Variants in IL1RAPL2 observed in about 807,000 individuals in gnomAD.
IL1RAPL2 encodes X-linked interleukin-1 receptor accessory protein-like 2.
IL1RAPL2 carries 3 observed loss-of-function variants against 44.1 expected under a neutral mutation model. That is an observed-to-expected ratio of 0.07 (90% CI 0.03 to 0.18). The LOEUF (loss-of-function observed/expected upper bound fraction) is 0.18. Ranked by LOEUF, IL1RAPL2 falls within the 10% of genes least tolerant of loss-of-function variation. IL1RAPL2 has a pLI of 1.00. For synonymous variants in IL1RAPL2, 181 were observed against 178.8 expected, an observed-to-expected ratio of 1.01 and a Z score of -0.10; for missense variants, 391 against 496.4, an observed-to-expected ratio of 0.79 and a Z score of 2.02.
chrX:105,549,731 A>G (rs1342931143), intron 6 of IL1RAPL2, among the ~76,000 whole-genome samples: 1 of 111,318 alleles, frequency 9.0e-6, no homozygotes, highest in Non-Finnish European at 1.9e-5. Context: ...TAAACATCCT[A>G]AAAACCCAGG....
At chrX:105,756,045 C>T (rs988548978) in intron 10 of IL1RAPL2, among the ~76,000 whole-genome samples, 2 of 110,514 alleles carry the variant, frequency 1.8e-5, no homozygotes, top group African/African-American at 6.5e-5. Flanking sequence ...AAATCTAAGA[C>T]ATAGTCCCTG....
At chrX:104,919,272 C>T in intron 2 of IL1RAPL2, among the ~76,000 whole-genome samples, 1 of 105,347 alleles carries the variant, frequency 9.5e-6, no homozygotes, top group South Asian at 4.3e-4. Context: ...GTCGCCCAGG[C>T]TGGAGTGCAA....
intron 1 of IL1RAPL2, among the ~76,000 whole-genome samples, chrX:104,572,944 C>G (rs996588071): frequency 9.8e-5 from 11 of 111,940 alleles, no homozygotes; most frequent in Non-Finnish European, 1.7e-4. Flanking sequence ...TGTTGATCCC[C>G]CTTTTATGAT....
intron 6 of IL1RAPL2, among the ~76,000 whole-genome samples, chrX:105,677,883 T>C (rs1049128731): frequency 8.9e-6 from 1 of 111,984 alleles, no homozygotes; most frequent in African/African-American, 3.2e-5. Context: ...TGTAGTCAAA[T>C]TCTACCACAT....
intron 2 of IL1RAPL2, among the ~76,000 whole-genome samples, chrX:104,691,235 G>C (rs1034984769): frequency 8.0e-5 from 9 of 111,830 alleles, no homozygotes; most frequent in Admixed American, 1.9e-4. Context: ...CTCTTGTCAC[G>C]TCAGGGCCTA....
chrX:105,553,549 T>C (rs1305235868), intron 6 of IL1RAPL2, among the ~76,000 whole-genome samples: 1 of 112,223 alleles, frequency 8.9e-6, no homozygotes, highest in Non-Finnish European at 1.9e-5. Flanking sequence ...GTAATCACTG[T>C]GTGTTTAAAT....
At chrX:105,191,803 A>G (rs1163183688) in intron 2 of IL1RAPL2, among the ~76,000 whole-genome samples, 2 of 112,229 alleles carry the variant, frequency 1.8e-5, no homozygotes, top group Non-Finnish European at 3.8e-5. Flanking sequence ...GTTCCGTAGC[A>G]AGCTTCAGTC....
At chrX:104,690,592 T>C (rs960927321) in intron 2 of IL1RAPL2, among the ~76,000 whole-genome samples, 1 of 112,429 alleles carries the variant, frequency 8.9e-6, no homozygotes, top group African/African-American at 3.2e-5. Flanking sequence ...AAGAGGCAAC[T>C]TGAAGACTAC....
chrX:104,677,369 C>G (rs6523793), intron 2 of IL1RAPL2, among the ~76,000 whole-genome samples: 58,099 of 108,513 alleles, frequency 0.54, 13,129 homozygotes, highest in African/African-American at 0.82. Flanking sequence ...TGAGGTGTCA[C>G]TGTGCCCCTG....
intron 2 of IL1RAPL2, among the ~76,000 whole-genome samples, chrX:105,163,527 G>A (rs1379386006): frequency 3.6e-5 from 4 of 112,113 alleles, no homozygotes; most frequent in African/African-American, 6.5e-5. Context: ...TATTTTTCAT[G>A]CAAGTATTTT....
intron 6 of IL1RAPL2, among the ~76,000 whole-genome samples, chrX:105,520,936 T>C (rs1299232912): frequency 0.014 from 1,078 of 78,176 alleles, 23 homozygotes; most frequent in African/African-American, 0.048. Flanking sequence ...TTTTTTTTTT[T>C]TTTTTTTTTT....
At chrX:105,582,135 C>T (rs1181110116) in intron 6 of IL1RAPL2, among the ~76,000 whole-genome samples, 39 of 111,700 alleles carry the variant, frequency 3.5e-4, no homozygotes, top group Admixed American at 2.9e-4. Context: ...TAAGTATAAA[C>T]TTAGATAAGT....
At position 104,650,653 on chromosome X, in the gene IL1RAPL2, T is replaced by C. The variant is rs1183477637; in HGVS notation, c.-19-8242T>C. Among the ~76,000 whole-genome samples the C allele has an allele frequency of 2.7e-5, 3 of 111,921 alleles. No homozygotes were observed. The East Asian group carries it at 8.4e-4, about 31-fold the overall frequency. ...TGAACATGCTAAAAAAAACCACTTATTTTACTAGGTATTCCCTTAGCACTT... is the reference window on the plus strand; with the variant it reads ...TGAACATGCTAAAAAAAACCACTTACTTTACTAGGTATTCCCTTAGCACTT... On this transcript the variant is annotated intron_variant, in intron 1 of 10. Coordinates refer to ENST00000372582, the MANE Select transcript of IL1RAPL2 (RefSeq NM_017416.2).
chrX:104,752,757 T>C (rs781533764), intron 2 of IL1RAPL2, among the ~76,000 whole-genome samples: 34 of 111,039 alleles, frequency 3.1e-4, no homozygotes, highest in Non-Finnish European at 7.6e-5. Flanking sequence ...TCACCTTCGT[T>C]ATCTGCAGCT....
rs1019931898 is a variant in IL1RAPL2 at position 105,767,072 on chromosome X, G to A, written c.1472G>A (p.Ser491Asn). The change falls in exon 11 of 11, where the codon AGC becomes AAC. Residue 491 changes from serine (S) to asparagine (N), a missense_variant. Physicochemically the swap from Ser to Asn is conservative, Grantham distance 46. Around this residue, in one of 2 missense-constraint regions of IL1RAPL2, gnomAD observed 232 missense variants for 244.8 expected, o/e 0.95. Coordinates refer to ENST00000372582, the MANE Select transcript of IL1RAPL2 (RefSeq NM_017416.2). ...RRGWSIFELE[S>N]RLHNMLVSGE... ...GGATGGAGTATTTTCGAACTGGAAA[G>A]CAGACTCCATAACATGCTAGTCAGT... The A allele has an allele frequency of 8.3e-7, 1 of 1,204,877 alleles. No homozygotes were observed. Among genetic ancestry groups the A allele is most frequent in the Non-Finnish European group, 1.1e-6 (1 of 890,665 alleles).
intron 2 of IL1RAPL2, among the ~76,000 whole-genome samples, chrX:104,756,830 T>A (rs1319653353): frequency 9.2e-6 from 1 of 108,862 alleles, no homozygotes; most frequent in Non-Finnish European, 1.9e-5. Flanking sequence ...ATGTGGATAT[T>A]TGGGGGAAGA....
chrX:105,423,673 G>A (rs938584321), intron 5 of IL1RAPL2, among the ~76,000 whole-genome samples: 15 of 111,085 alleles, frequency 1.4e-4, no homozygotes, highest in African/African-American at 4.6e-4. Context: ...CTTTAGCCAA[G>A]GCAAAACCCC....
chrX:105,726,160 A>G (rs2038349890), intron 7 of IL1RAPL2, among the ~76,000 whole-genome samples: 1 of 111,893 alleles, frequency 8.9e-6, no homozygotes, highest in African/African-American at 3.2e-5. Context: ...ATTAGTAAAT[A>G]ATAATAATAA....
chrX:105,114,096 T>G lies in IL1RAPL2; in HGVS notation c.83-81379T>G, dbSNP rs1457229656. Among the ~76,000 whole-genome samples, 3 of 111,934 alleles carry G rather than the reference T, an allele frequency of 2.7e-5. No homozygotes were observed. In the Admixed American group the frequency reaches 2.8e-4, roughly 11 times the overall value. ...GATTCTAACCCCCAAGGTGATGATA[T>G]GAAGAGGTGGAGCCTTTGGAAGGTG... On this transcript the variant is annotated intron_variant, in intron 2 of 10. Transcript: ENST00000372582.
Sources: allele counts gnomAD v4.1 joint callset (sites outside exome capture counted in the v4.1 genomes callset), GRCh38; gene constraint gnomAD v4.1.1; regional missense constraint gnomAD v4.1.1; transcripts MANE v1.5; gene names NCBI Gene and HGNC (gene_info 2026-07-23, HGNC 2026-07-21).